GRM7: variants seen among roughly 807,000 people sequenced by gnomAD.
The protein encoded by GRM7 is glutamate metabotropic receptor 7, also known as metabotropic glutamate receptor 7.
Under a neutral mutation model 84.5 loss-of-function variants are expected in GRM7, and 35 were observed. The observed-to-expected ratio is 0.41, with a 90% CI of 0.32 to 0.55. GRM7 has a LOEUF of 0.55. Among genes scored for constraint, GRM7 ranks in the 20% least tolerant of loss-of-function variants. GRM7 has a pLI of 0.19. For synonymous variants in GRM7, 487 were observed against 455.1 expected, an observed-to-expected ratio of 1.07 and a Z score of -0.89; for missense variants, 1,003 against 1,194.6, an observed-to-expected ratio of 0.84 and a Z score of 2.36.
intron 3 of GRM7, among the ~76,000 whole-genome samples, chr3:7,303,438 T>C (rs1440057027): frequency 3.9e-5 from 6 of 152,072 alleles, no homozygotes; most frequent in Non-Finnish European, 2.9e-5. Flanking sequence ...AATTTTTAAA[T>C]TATTAATTTT....
At chr3:7,407,656 G>T (rs540068088) in intron 4 of GRM7, among the ~76,000 whole-genome samples, 1 of 152,156 alleles carries the variant, frequency 6.6e-6, no homozygotes, top group Non-Finnish European at 1.5e-5. Flanking sequence ...AATATGTGAA[G>T]AAATGAATGA....
At chr3:7,143,882 C>T (rs559612148) in intron 1 of GRM7, among the ~76,000 whole-genome samples, 11 of 152,270 alleles carry the variant, frequency 7.2e-5, no homozygotes, top group Non-Finnish European at 1.6e-4. Context: ...GAAAGCCTCT[C>T]TCTCTTTCTC....
At chr3:7,319,361 T>C (rs985271267) in intron 4 of GRM7, among the ~76,000 whole-genome samples, 1 of 151,968 alleles carries the variant, frequency 6.6e-6, no homozygotes, top group African/African-American at 2.4e-5. Context: ...GCCAAAAGTA[T>C]CAAACAGTGT....
chr3:7,032,601 G>T (rs929594203), intron 1 of GRM7, among the ~76,000 whole-genome samples: 2 of 152,032 alleles, frequency 1.3e-5, no homozygotes, highest in Non-Finnish European at 2.9e-5. Flanking sequence ...GTTTTTTTCA[G>T]ATAGGGGCTA....
chr3:7,080,530 T>C (rs1373855954), intron 1 of GRM7, among the ~76,000 whole-genome samples: 1 of 151,992 alleles, frequency 6.6e-6, no homozygotes, highest in Non-Finnish European at 1.5e-5. Flanking sequence ...ATGAAAGAAG[T>C]CCAAACTAAA....
intron 8 of GRM7, among the ~76,000 whole-genome samples, chr3:7,583,494 C>T (rs1695364488): frequency 6.6e-6 from 1 of 152,208 alleles, no homozygotes; most frequent in Non-Finnish European, 1.5e-5. Flanking sequence ...AGTTTTAAAG[C>T]AAGGACTATT....
chr3:7,464,214 T>C (rs1441216339), intron 7 of GRM7, among the ~76,000 whole-genome samples: 1 of 151,300 alleles, frequency 6.6e-6, no homozygotes, highest in Non-Finnish European at 1.5e-5. Flanking sequence ...CAGGGACATG[T>C]GTGATAGTGA....
At chr3:7,265,785 C>A (rs1364929970) in intron 2 of GRM7, among the ~76,000 whole-genome samples, 1 of 152,220 alleles carries the variant, frequency 6.6e-6, no homozygotes, top group Admixed American at 6.5e-5. Flanking sequence ...GACAGGCCAC[C>A]TTTCTTTGTT....
chr3:6,988,147 C>T (rs890192122), intron 1 of GRM7, among the ~76,000 whole-genome samples: 1 of 150,780 alleles, frequency 6.6e-6, no homozygotes, highest in Non-Finnish European at 1.5e-5. Flanking sequence ...CAGGCGGCCA[C>T]CATCACGCCT....
chr3:7,291,489 G>GCTCTCTCT (rs71063301), intron 2 of GRM7, among the ~76,000 whole-genome samples: 2 of 109,642 alleles, frequency 1.8e-5, no homozygotes, highest in Non-Finnish European at 3.9e-5. Flanking sequence ...AGTCATGCCA[G>GCTCTCTCT]CTCTCTCTCT....
intron 7 of GRM7, among the ~76,000 whole-genome samples, chr3:7,521,404 G>A (rs567173162): frequency 6.6e-6 from 1 of 152,292 alleles, no homozygotes; most frequent in East Asian, 1.9e-4. Context: ...TGGGTCTAAA[G>A]GCAAGCCCCT....
intron 1 of GRM7, among the ~76,000 whole-genome samples, chr3:6,971,017 C>T (rs1693733403): frequency 7.8e-6 from 1 of 128,520 alleles, no homozygotes; most frequent in African/African-American, 3.0e-5. Context: ...CAAACAAAAC[C>T]GAGAGAGAGA....
intron 2 of GRM7, among the ~76,000 whole-genome samples, chr3:7,270,449 T>C (rs537819273): frequency 1.9e-4 from 29 of 152,310 alleles, no homozygotes; most frequent in Admixed American, 1.6e-3. Context: ...TTGTTAAGCA[T>C]TCATCTGAAA....
chr3:7,094,474 T>A (rs1353210249), intron 1 of GRM7, among the ~76,000 whole-genome samples: 1 of 152,196 alleles, frequency 6.6e-6, no homozygotes, highest in African/African-American at 2.4e-5. Flanking sequence ...AAGCTAAGAA[T>A]AACTTGATCA....
At chr3:7,336,191 T>A (rs73132249) in intron 4 of GRM7, among the ~76,000 whole-genome samples, 1 of 151,866 alleles carries the variant, frequency 6.6e-6, no homozygotes, top group African/African-American at 2.4e-5. Flanking sequence ...AAAGATAATA[T>A]GCCACGATCA....
intron 5 of GRM7, among the ~76,000 whole-genome samples, chr3:7,439,728 A>G (rs1011927012): frequency 5.3e-5 from 8 of 152,192 alleles, no homozygotes; most frequent in African/African-American, 1.9e-4. Context: ...CAAGGGGGAA[A>G]ATACTTCTGC....
intron 8 of GRM7, among the ~76,000 whole-genome samples, chr3:7,614,804 G>A (rs1697009750): frequency 6.6e-6 from 1 of 152,044 alleles, no homozygotes; most frequent in Non-Finnish European, 1.5e-5. Flanking sequence ...GAGTAATTTA[G>A]TCAACCCCCT....
At chr3:7,481,836 G>T (rs1699141729) in intron 7 of GRM7, among the ~76,000 whole-genome samples, 1 of 152,198 alleles carries the variant, frequency 6.6e-6, no homozygotes, top group African/African-American at 2.4e-5. Context: ...GCTGTGCACT[G>T]CAGAAAGCAT....
At chr3:6,951,094 T>G (rs1213783058) in intron 1 of GRM7, among the ~76,000 whole-genome samples, 1 of 152,108 alleles carries the variant, frequency 6.6e-6, no homozygotes, top group Non-Finnish European at 1.5e-5. Flanking sequence ...ACCCAGTACC[T>G]CAGTTGTAAA....
Sources: allele counts gnomAD v4.1 joint callset (sites outside exome capture counted in the v4.1 genomes callset), GRCh38; gene constraint gnomAD v4.1.1; transcripts MANE v1.5; gene names NCBI Gene and HGNC (gene_info 2026-07-23, HGNC 2026-07-21).